TCF4: variants seen among roughly 807,000 people sequenced by gnomAD.
TCF4 encodes SL3-3 enhancer factor 2.
A neutral mutation model predicts 82.1 loss-of-function variants in TCF4; 3 were observed. The ratio of observed to expected loss-of-function variants is 0.04; its 90% CI spans 0.02 to 0.09. The LOEUF is 0.09. TCF4 is among the 10% of genes least tolerant of loss of function. TCF4 has a pLI of 1.00. For missense variants in TCF4, 518 were observed against 852.7 expected, an observed-to-expected ratio of 0.61 and a Z score of 4.89; for synonymous variants, 276 against 309.6, an observed-to-expected ratio of 0.89 and a Z score of 1.14.
intron 6 of TCF4, among the ~76,000 whole-genome samples, chr18:55,357,989 AC>A (rs1221822144): frequency 2.0e-5 from 3 of 152,212 alleles, no homozygotes; most frequent in African/African-American, 7.2e-5. Context: ...TTAAGTCCTG[AC>A]ATTCCTTCCA....
At chr18:55,519,687 T>C (rs1024777842) in intron 3 of TCF4, among the ~76,000 whole-genome samples, 1 of 152,180 alleles carries the variant, frequency 6.6e-6, no homozygotes, top group Non-Finnish European at 1.5e-5. Context: ...ACATGCTGAA[T>C]TGAGATACTC....
intron 8 of TCF4, chr18:55,322,365 G>T: frequency 1.0e-6 from 1 of 978,378 alleles, no homozygotes; most frequent in Non-Finnish European, 1.2e-6. Flanking sequence ...CTAGCTCCCA[G>T]CATTGTACGC....
chr18:55,392,421 C>T (rs2093197458), intron 6 of TCF4, among the ~76,000 whole-genome samples: 1 of 149,686 alleles, frequency 6.7e-6, no homozygotes, highest in South Asian at 2.1e-4. Flanking sequence ...GGGTTTGAGT[C>T]CCACCTGGAC....
At chr18:55,359,382 T>C (rs1352018203) in intron 6 of TCF4, among the ~76,000 whole-genome samples, 2 of 152,248 alleles carry the variant, frequency 1.3e-5, no homozygotes, top group Non-Finnish European at 2.9e-5. Context: ...AATTCAACTG[T>C]TGTAACATTT....
intron 11 of TCF4, chr18:55,264,474 G>A (rs372364074): frequency 6.6e-6 from 1 of 152,100 alleles, no homozygotes; most frequent in South Asian, 2.1e-4. Context: ...TAGATTGCCT[G>A]AACATGTTAA....
intron 3 of TCF4, among the ~76,000 whole-genome samples, chr18:55,564,768 T>C (rs1465148399): frequency 6.6e-6 from 1 of 152,168 alleles, no homozygotes; most frequent in Non-Finnish European, 1.5e-5. Flanking sequence ...CTTAAGAAGA[T>C]AATGTACCAG....
chr18:55,231,232 G>A (rs2047835518), intron 17 of TCF4: 1 of 152,156 alleles, frequency 6.6e-6, no homozygotes, highest in Non-Finnish European at 1.5e-5. Flanking sequence ...CTGAGCATTT[G>A]GGTGATATTT....
At chr18:55,443,869 T>C (rs1343813604) in intron 5 of TCF4, among the ~76,000 whole-genome samples, 1 of 152,222 alleles carries the variant, frequency 6.6e-6, no homozygotes, top group Non-Finnish European at 1.5e-5. Flanking sequence ...GATGATGTTC[T>C]GGGGATTCCT....
intron 6 of TCF4, among the ~76,000 whole-genome samples, chr18:55,375,074 T>C (rs987417396): frequency 2.0e-5 from 3 of 151,850 alleles, no homozygotes; most frequent in Non-Finnish European, 4.4e-5. Context: ...AGGTAGAACC[T>C]TGAAACAAAC....
At chr18:55,277,273 T>A (rs2061639360) in intron 9 of TCF4, among the ~76,000 whole-genome samples, 1 of 152,088 alleles carries the variant, frequency 6.6e-6, no homozygotes, top group Non-Finnish European at 1.5e-5. Context: ...ATTACAGAGG[T>A]TTAAATGTCA....
At chr18:55,634,620 C>T (rs780734364) in intron 1 of TCF4, among the ~76,000 whole-genome samples, 20 of 151,998 alleles carry the variant, frequency 1.3e-4, no homozygotes, top group Non-Finnish European at 2.8e-4. Context: ...GGGCTTTGTA[C>T]TTTGGTGATG....
At chr18:55,617,948 T>C (rs906346692) in intron 2 of TCF4, among the ~76,000 whole-genome samples, 2 of 152,008 alleles carry the variant, frequency 1.3e-5, no homozygotes, top group African/African-American at 4.8e-5. Flanking sequence ...TTTCCTGCTC[T>C]TGTATAATTG....
At chr18:55,573,676 T>G (rs956991361) in intron 3 of TCF4, among the ~76,000 whole-genome samples, 2 of 152,236 alleles carry the variant, frequency 1.3e-5, no homozygotes, top group African/African-American at 4.8e-5. Flanking sequence ...ACAGTTCACC[T>G]GGGCTGATCT....
At chr18:55,589,200 G>C (rs2097678355), upstream of TCF4, 1 of 927,814 alleles carries the variant, frequency 1.1e-6, no homozygotes. Context: ...TTATTTAATA[G>C]GTTGTCCCTT....
rs376079057 is a variant in TCF4 at position 55,319,035 on chromosome 18, T to C, written c.549+31324A>G. ...TTTAAACAAGTAATTGACTTGTCAC[T>C]GGGAAAAAAGAAGGAATTCAGTGCT... On this transcript the variant is annotated intron_variant, in intron 8 of 19. Coordinates refer to ENST00000354452, the MANE Select transcript of TCF4 (RefSeq NM_001083962.2). 6.6e-5 allele frequency among the ~76,000 whole-genome samples: 10 copies of C among 152,230 alleles called. No homozygotes were observed. In the South Asian group the frequency reaches 2.1e-3, roughly 32 times the overall value.
At chr18:55,423,665 C>G (rs1416445665) in intron 5 of TCF4, 1 of 152,374 alleles carries the variant, frequency 6.6e-6, no homozygotes, top group Non-Finnish European at 1.5e-5. Flanking sequence ...CCAAACCAAT[C>G]AATCACAGAT....
chr18:55,610,035 T>G (rs1181076541), intron 2 of TCF4, among the ~76,000 whole-genome samples: 1 of 152,180 alleles, frequency 6.6e-6, no homozygotes, highest in Non-Finnish European at 1.5e-5. Flanking sequence ...AAGGCAGGGT[T>G]TTTGTCTGTT....
intron 8 of TCF4, among the ~76,000 whole-genome samples, chr18:55,319,327 C>A (rs1184204814): frequency 6.6e-6 from 1 of 152,150 alleles, no homozygotes; most frequent in African/African-American, 2.4e-5. Flanking sequence ...CAGCAGAATA[C>A]ACACTGTAGA....
chr18:55,403,515 T>C lies in TCF4; in HGVS notation c.308A>G (p.Lys103Arg), dbSNP rs1433475087. Residue 103 changes from lysine (K) to arginine (R), a missense_variant, in exon 6 of 20, where the codon AAA (lysine) becomes AGA (arginine). This residue lies in a region of TCF4 where 80 missense variants were observed against 93.8 expected (regional missense o/e 0.85). Transcript: ENST00000354452. ...PPFVNSRIQS[K>R]TERGSYSSYG... ...AGATGAGTATGAGCCCCTTTCTGTTTTACCTGCCAAGAGAAACGACAAAAA... is the reference window on the plus strand; with the variant it reads ...AGATGAGTATGAGCCCCTTTCTGTTCTACCTGCCAAGAGAAACGACAAAAA... 2 of 1,613,824 alleles carry C rather than the reference T, an allele frequency of 1.2e-6. No homozygotes were observed. The highest frequency in any genetic ancestry group is 2.2e-5 in the East Asian group (1 of 44,854).
Sources: gnomAD v4.1 joint callset for allele counts (sites outside exome capture counted in the v4.1 genomes callset) on GRCh38, gnomAD v4.1.1 for gene constraint, gnomAD v4.1.1 regional missense constraint, MANE v1.5 for transcripts, NCBI Gene and HGNC (gene_info 2026-07-23, HGNC 2026-07-21) for gene names.